OTUD7A: variants seen among roughly 807,000 people sequenced by gnomAD.
OTUD7A encodes the protein OTU deubiquitinase 7A, also known as OTU domain-containing protein 7A.
OTUD7A carries 12 observed loss-of-function variants against 65.7 expected under a neutral mutation model. The observed-to-expected ratio is 0.18, with a 90% confidence interval of 0.12 to 0.30. OTUD7A has a LOEUF of 0.30. Ranked by LOEUF, OTUD7A falls within the 10% of genes least tolerant of loss-of-function variation. The pLI is 1.00. For missense variants in OTUD7A, 1,148 were observed against 1,304.8 expected, an observed-to-expected ratio of 0.88 and a Z score of 1.85; for synonymous variants, 641 against 586.3, an observed-to-expected ratio of 1.09 and a Z score of -1.35.
At chr15:31,790,606 C>A (rs1158031236) in intron 1 of OTUD7A, among the ~76,000 whole-genome samples, 5 of 152,200 alleles carry the variant, frequency 3.3e-5, no homozygotes, top group African/African-American at 1.2e-4. Flanking sequence ...ACAAGTCCAA[C>A]CTGGGGTGGA....
chr15:31,809,138 T>G (rs1896356750), intron 1 of OTUD7A, among the ~76,000 whole-genome samples: 1 of 152,218 alleles, frequency 6.6e-6, no homozygotes, highest in Non-Finnish European at 1.5e-5. Flanking sequence ...AGATACACAC[T>G]GACTTCAAAC....
intron 1 of OTUD7A, chr15:31,767,809 T>C (rs1895128797): frequency 1.3e-6 from 1 of 795,490 alleles, no homozygotes; most frequent in Non-Finnish European, 2.2e-6. Context: ...AAATACTATC[T>C]TTATCTTTGG....
intron 3 of OTUD7A, among the ~76,000 whole-genome samples, chr15:31,626,459 G>C (rs758701996): frequency 1.2e-4 from 19 of 152,270 alleles, no homozygotes; most frequent in Non-Finnish European, 2.1e-4. Flanking sequence ...AAATTTAATA[G>C]TATACTAGTG....
Position 31,801,419 on chromosome 15 carries a change from T to C in OTUD7A, c.-100+69088A>G, listed in dbSNP as rs115944719. ...ACAATTTGCCAGAACCCAGCCCTTCTGGTTTGCAGAGGCTCTGGTTTGCAG... is the reference window on the plus strand; with the variant it reads ...ACAATTTGCCAGAACCCAGCCCTTCCGGTTTGCAGAGGCTCTGGTTTGCAG... On this transcript the variant is annotated intron_variant, in intron 1 of 12. Transcript: ENST00000307050. Among the ~76,000 whole-genome samples, 1,380 of 152,338 alleles carry C rather than the reference T, an allele frequency of 9.1e-3. 24 individuals carry two copies. The highest frequency in any genetic ancestry group is 0.032 in the African/African-American group (1,315 of 41,568).
chr15:31,855,202 A>C (rs548518743), intron 1 of OTUD7A, among the ~76,000 whole-genome samples: 119 of 152,384 alleles, frequency 7.8e-4, no homozygotes, highest in Non-Finnish European at 9.0e-4. Context: ...CAGCAATACC[A>C]GCATCCAGAA....
intron 1 of OTUD7A, among the ~76,000 whole-genome samples, chr15:31,818,596 G>C (rs575608228): frequency 2.0e-4 from 31 of 152,278 alleles, no homozygotes; most frequent in Non-Finnish European, 2.9e-4. Context: ...GGAAGCCTGA[G>C]AGCCACGGCC....
chr15:31,483,618 G>A lies in OTUD7A; in HGVS notation c.2478C>T (p.Thr826=), dbSNP rs1384386916. The A allele has an allele frequency of 1.7e-6, 2 of 1,197,732 alleles. No homozygotes were observed. Among genetic ancestry groups the A allele is most frequent in the African/African-American group, 1.6e-5 (1 of 61,968 alleles). 74.2% of individuals were successfully genotyped at this position (1,197,732 alleles called of 1,614,324 possible). ...YSPARAAALR[T]VNTVESLARA... is the part of the protein sequence containing the mutation. ...GCGCCAGCGACTCGACCGTGTTGACGGTGCGCAGGGCGGCGGCGCGCGCCG... is the reference window on the plus strand; with the variant it reads ...GCGCCAGCGACTCGACCGTGTTGACAGTGCGCAGGGCGGCGGCGCGCGCCG... The change falls in exon 13 of 13, where the codon ACC becomes ACT. Residue 826 remains threonine, a synonymous_variant. Transcript: ENST00000307050.
At position 31,526,342 on chromosome 15, in the gene OTUD7A, C is replaced by T. The variant is rs973647814; in HGVS notation, c.893+7G>A. ...TGACTTCTGGGGAGAGCAGGGGCAGCACTTACCCCCCGCCCGTGCCGCCAT... is the reference window on the plus strand; with the variant it reads ...TGACTTCTGGGGAGAGCAGGGGCAGTACTTACCCCCCGCCCGTGCCGCCAT... On this transcript the variant is annotated splice_region_variant and intron_variant, in intron 8 of 12. Coordinates refer to ENST00000307050, the MANE Select transcript of OTUD7A (RefSeq NM_001382637.1). The T allele has an allele frequency of 1.3e-6, 2 of 1,582,650 alleles. No individual in the cohort carries two copies. The highest frequency in any genetic ancestry group is 1.7e-5 in the Admixed American group (1 of 57,790).
chr15:31,771,001 A>G (rs949821178), intron 1 of OTUD7A, among the ~76,000 whole-genome samples: 10 of 152,250 alleles, frequency 6.6e-5, no homozygotes, highest in Admixed American at 2.6e-4. Flanking sequence ...GAGCAAGGCA[A>G]GGATTCCCTG....
chr15:31,685,244 C>T (rs369374335), intron 1 of OTUD7A, among the ~76,000 whole-genome samples: 1 of 152,224 alleles, frequency 6.6e-6, no homozygotes, highest in East Asian at 1.9e-4. Flanking sequence ...ACTTTTACTG[C>T]CTAGTAAACA....
At chr15:31,768,694 C>A (rs956565850) in intron 1 of OTUD7A, among the ~76,000 whole-genome samples, 2 of 151,742 alleles carry the variant, frequency 1.3e-5, no homozygotes, top group East Asian at 3.9e-4. Flanking sequence ...GTGGCACTTT[C>A]GGCGTCTGCA....
At chr15:31,663,866 T>C (rs1397668890) in intron 1 of OTUD7A, among the ~76,000 whole-genome samples, 1 of 152,086 alleles carries the variant, frequency 6.6e-6, no homozygotes, top group East Asian at 1.9e-4. Context: ...ATTGTATCAT[T>C]CTTATGCCTT....
At chr15:31,556,169 C>T (rs1480231921) in intron 5 of OTUD7A, 1 of 152,186 alleles carries the variant, frequency 6.6e-6, no homozygotes, top group Non-Finnish European at 1.5e-5. Flanking sequence ...GCGTGAGGGA[C>T]GAGGAAGACA....
intron 5 of OTUD7A, among the ~76,000 whole-genome samples, 161 bp from the exon 6 acceptor site, chr15:31,530,969 C>A (rs72726911): frequency 2.0e-5 from 3 of 152,304 alleles, no homozygotes; most frequent in East Asian, 3.9e-4. Flanking sequence ...ATATAGATTT[C>A]TTTTCCCTTT....
intron 3 of OTUD7A, among the ~76,000 whole-genome samples, chr15:31,642,402 G>A (rs1447051594): frequency 6.6e-6 from 1 of 152,136 alleles, no homozygotes; most frequent in African/African-American, 2.4e-5. Flanking sequence ...GGTAATGCTG[G>A]CGCAAAGAAT....
At chr15:31,530,579 A>G in intron 6 of OTUD7A, 128 bp downstream of exon 6, 2 of 831,384 alleles carry the variant, frequency 2.4e-6, no homozygotes, top group East Asian at 5.7e-5. Flanking sequence ...GGACTTTCTC[A>G]TGACAGTGAC....
At chr15:31,657,788 C>A (rs1892037137) in intron 1 of OTUD7A, among the ~76,000 whole-genome samples, 1 of 152,138 alleles carries the variant, frequency 6.6e-6, no homozygotes, top group African/African-American at 2.4e-5. Context: ...CCATCCTCAC[C>A]CACTGCTCCG....
chr15:31,696,074 G>A (rs1287575568), intron 1 of OTUD7A, among the ~76,000 whole-genome samples: 1 of 152,206 alleles, frequency 6.6e-6, no homozygotes, highest in East Asian at 1.9e-4. Flanking sequence ...GCACACGAAG[G>A]AGTCCCCTGT....
intron 1 of OTUD7A, among the ~76,000 whole-genome samples, chr15:31,830,000 C>T (rs895683918): frequency 2.0e-5 from 3 of 152,164 alleles, no homozygotes; most frequent in African/African-American, 7.2e-5. Flanking sequence ...ATTCACCCTT[C>T]CTCTGGGTTA....
Sources: allele counts gnomAD v4.1 joint callset (sites outside exome capture counted in the v4.1 genomes callset), GRCh38; gene constraint gnomAD v4.1.1; transcripts MANE v1.5; gene names NCBI Gene and HGNC (gene_info 2026-07-23, HGNC 2026-07-21).